PRELID2: variants seen among roughly 807,000 people sequenced by gnomAD.
PRELID2 encodes PRELI domain containing 2.
In PRELID2, 25 loss-of-function variants were observed where a neutral mutation model predicts 28.4. That is an observed-to-expected ratio of 0.88 (90% confidence interval 0.64 to 1.23). The LOEUF (loss-of-function observed/expected upper bound fraction) is 1.23. PRELID2 is among the 50% of genes most tolerant of loss of function. The probability of loss-of-function intolerance (pLI) is 0.00; values close to 1 mark genes in which losing one functional copy is unlikely to be tolerated. For missense variants in PRELID2, 201 were observed against 214.4 expected (o/e 0.94, Z 0.39); for synonymous variants, 76 against 71.6 (o/e 1.06, Z -0.31).
At chr5:145,398,380 C>T in the PRELID2 span, among the ~76,000 whole-genome samples, 25 of 152,160 alleles carry the variant, frequency 1.6e-4, no homozygotes, top group African/African-American at 6.0e-4. Flanking sequence ...AGTCAATTAC[C>T]AGTTGATTGT....
intron 1 of PRELID2, among the ~76,000 whole-genome samples, chr5:145,515,225 T>C (rs1427006553): frequency 6.6e-6 from 1 of 152,062 alleles, no homozygotes; most frequent in Non-Finnish European, 1.5e-5. Flanking sequence ...GAGCTGGTTT[T>C]TTGAAAAGAC....
the PRELID2 span, among the ~76,000 whole-genome samples, chr5:145,263,324 GA>G: frequency 6.6e-6 from 1 of 152,030 alleles, no homozygotes; most frequent in Admixed American, 6.5e-5. Context: ...CCATACCCTG[GA>G]AAAAATGGAC....
the PRELID2 span, among the ~76,000 whole-genome samples, chr5:145,465,372 A>G: frequency 6.6e-6 from 1 of 152,294 alleles, no homozygotes; most frequent in Non-Finnish European, 1.5e-5. Flanking sequence ...CAAATAAGGT[A>G]TTCAAATTAA....
chr5:145,740,659 A>AT (rs1756659395), intron 1 of PRELID2, among the ~76,000 whole-genome samples: 1 of 98,080 alleles, frequency 1.0e-5, no homozygotes, highest in East Asian at 2.9e-4. Flanking sequence ...TTTATATATA[A>AT]ATAAAATAAA....
At chr5:145,717,825 A>G (rs1196696708) in intron 1 of PRELID2, among the ~76,000 whole-genome samples, 2 of 151,932 alleles carry the variant, frequency 1.3e-5, no homozygotes, top group African/African-American at 4.8e-5. Context: ...TACTATCAAC[A>G]GATGTAATAT....
In PRELID2 at chr5:145,600,430, A is replaced by ATAT. The variant is rs797007372; in HGVS notation, n.71-127116_71-127115insATA. 8.8e-4 allele frequency among the ~76,000 whole-genome samples: 110 copies of ATAT among 125,626 alleles called. 1 individual carries two copies. The highest frequency in any genetic ancestry group is 4.7e-3 in the African/African-American group (106 of 22,768). 82.4% of individuals were successfully genotyped at this position (125,626 alleles called of 152,430 possible). On this transcript the variant is annotated intron_variant and non_coding_transcript_variant, in intron 1 of 2. Transcript: ENST00000510259. Reference sequence around the variant, plus strand: ...CTTCTCTCAGGGGGGGAAAAAAAAAAAAAAATATATATATATATATATATG... The same window carrying ATAT: ...CTTCTCTCAGGGGGGGAAAAAAAAAATATAAAAATATATATATATATATATATG...
At chr5:145,617,568 C>A (rs935168600) in intron 1 of PRELID2, among the ~76,000 whole-genome samples, 1 of 152,074 alleles carries the variant, frequency 6.6e-6, no homozygotes, top group South Asian at 2.1e-4. Flanking sequence ...ATTCCTTTTT[C>A]TTTGTCTTTG....
At position 145,819,569 on chromosome 5, in the gene PRELID2, TTC is replaced by T. The variant is rs1187053486; in HGVS notation, c.207+374_207+375del. On this transcript the variant is annotated intron_variant, in intron 3 of 6. Coordinates refer to ENST00000683046, the MANE Select transcript of PRELID2 (RefSeq NM_205846.3). The stretch of plus-strand genomic sequence containing the variant: ...GATAGTGAATTAGAAACTGAAGTTT[TTC>T]TCTTTCTTATTAAAGATGAGACTAA... 1.2e-4 allele frequency: 69 copies of T among 583,664 alleles called. No individual in the cohort carries two copies. The East Asian group carries it at 1.8e-3, about 15-fold the overall frequency. The allele number at this position is 583,664 out of a possible 1,614,324, so 36.2% of individuals were successfully genotyped here.
In PRELID2 at chr5:145,532,441, A is replaced by G. The variant is rs577683032; in HGVS notation, n.71-59126T>C. ...ATGACTATATCAAGCTCATTAACAA[A>G]TCAATTACCTCACATCCTTATCATT... On this transcript the variant is annotated intron_variant and non_coding_transcript_variant, in intron 1 of 2. Transcript: ENST00000510259. Among the ~76,000 whole-genome samples the G allele has an allele frequency of 4.6e-4, 70 of 152,260 alleles. 2 individuals carry two copies. In the South Asian group the frequency reaches 0.013, roughly 28 times the overall value.
At chr5:145,415,516 C>T in the PRELID2 span, among the ~76,000 whole-genome samples, 140 of 145,148 alleles carry the variant, frequency 9.6e-4, no homozygotes, top group Non-Finnish European at 1.8e-3. Context: ...CATCTATGAG[C>T]GAGAACATGC....
chr5:145,266,923 C>G, the PRELID2 span, among the ~76,000 whole-genome samples: 18 of 152,142 alleles, frequency 1.2e-4, no homozygotes, highest in African/African-American at 4.1e-4. Flanking sequence ...AGTTAAGTAA[C>G]TCGGTAATGG....
the PRELID2 span, among the ~76,000 whole-genome samples, chr5:145,262,011 C>G: frequency 6.6e-6 from 1 of 152,092 alleles, no homozygotes; most frequent in Non-Finnish European, 1.5e-5. Flanking sequence ...ACAATCACTA[C>G]ATCCAGAATG....
At chr5:145,746,132 A>G (rs1756984667) in intron 1 of PRELID2, among the ~76,000 whole-genome samples, 1 of 152,166 alleles carries the variant, frequency 6.6e-6, no homozygotes, top group African/African-American at 2.4e-5. Flanking sequence ...ACCAGCTAGC[A>G]TCATGATGAC....
At chr5:145,806,836 A>G (rs1278701643) in intron 4 of PRELID2, among the ~76,000 whole-genome samples, 1 of 152,142 alleles carries the variant, frequency 6.6e-6, no homozygotes, top group Non-Finnish European at 1.5e-5. Context: ...CCACCTTGTG[A>G]AGAAGGTGCT....
chr5:145,542,763 TTCTTTC>T (rs950456992), intron 1 of PRELID2, among the ~76,000 whole-genome samples: 1 of 144,998 alleles, frequency 6.9e-6, no homozygotes, highest in African/African-American at 2.7e-5. Context: ...CTTTCTTTCT[TTCTTTC>T]TTTCTTTCTT....
chr5:145,704,102 G>A (rs1755479246), intron 1 of PRELID2: 1 of 152,154 alleles, frequency 6.6e-6, no homozygotes, highest in South Asian at 2.1e-4. Flanking sequence ...ATCGAGCTTG[G>A]AGATTTAGTT....
At chr5:145,662,599 C>T (rs1467761091) in intron 1 of PRELID2, among the ~76,000 whole-genome samples, 1 of 152,044 alleles carries the variant, frequency 6.6e-6, no homozygotes, top group Admixed American at 6.6e-5. Flanking sequence ...GGGCTTTGTC[C>T]TCATTAATGG....
chr5:145,332,960 G>A, the PRELID2 span, among the ~76,000 whole-genome samples: 5 of 152,090 alleles, frequency 3.3e-5, no homozygotes, highest in Non-Finnish European at 7.3e-5. Context: ...TTGTATGGAC[G>A]TCCTTTTTGT....
intron 4 of PRELID2, among the ~76,000 whole-genome samples, chr5:145,812,959 T>C (rs933667962): frequency 6.6e-6 from 1 of 152,198 alleles, no homozygotes; most frequent in African/African-American, 2.4e-5. Flanking sequence ...CCCAAGAAGA[T>C]GCCACGACTG....
Sources: allele counts gnomAD v4.1 joint callset (sites outside exome capture counted in the v4.1 genomes callset), GRCh38; gene constraint gnomAD v4.1.1; transcripts MANE v1.5; gene names NCBI Gene and HGNC (gene_info 2026-07-23, HGNC 2026-07-21).